Variants in SLC13A3 observed in about 807,000 individuals in gnomAD.
The protein encoded by SLC13A3 is solute carrier family 13 member 3.
In SLC13A3, 40 loss-of-function variants were observed where a neutral mutation model predicts 59.0. That is an observed-to-expected ratio of 0.68 (90% CI 0.53 to 0.88). The LOEUF (loss-of-function observed/expected upper bound fraction) is 0.88. Among genes scored for constraint, SLC13A3 ranks in the 40% least tolerant of loss-of-function variants. The pLI is 0.00. For synonymous variants in SLC13A3, 317 were observed against 330.3 expected, an observed-to-expected ratio of 0.96 and a Z score of 0.44; for missense variants, 699 against 783.2, an observed-to-expected ratio of 0.89 and a Z score of 1.28.
At chr20:46,647,037 G>T (rs2062902354) in intron 1 of SLC13A3, among the ~76,000 whole-genome samples, 2 of 152,142 alleles carry the variant, frequency 1.3e-5, no homozygotes, top group South Asian at 4.1e-4. Context: ...CTCTATCCCA[G>T]AGTAAGTCTG....
intron 10 of SLC13A3, among the ~76,000 whole-genome samples, chr20:46,570,876 T>C (rs1275618705): frequency 2.0e-5 from 3 of 152,136 alleles, no homozygotes; most frequent in Non-Finnish European, 2.9e-5. Flanking sequence ...GTCTGTCCGA[T>C]AAAATGAGGG....
intron 11 of SLC13A3, 85 bp from the exon 12 acceptor site, chr20:46,563,636 G>A: frequency 7.0e-7 from 1 of 1,427,052 alleles, no homozygotes; most frequent in Non-Finnish European, 9.5e-7. Context: ...GAGAGAGGCA[G>A]TTGGAAAGAG....
At chr20:46,568,504 A>T (rs1179951742) in intron 10 of SLC13A3, among the ~76,000 whole-genome samples, 1 of 152,140 alleles carries the variant, frequency 6.6e-6, no homozygotes. Flanking sequence ...GTTACCTTCA[A>T]TGTAAGAATA....
chr20:46,586,123 C>T (rs1216095923), intron 8 of SLC13A3, among the ~76,000 whole-genome samples: 3 of 152,168 alleles, frequency 2.0e-5, no homozygotes, highest in African/African-American at 7.2e-5. Context: ...ATCTGTTTTT[C>T]ACTTTTTTAA....
At chr20:46,599,925 C>T in intron 4 of SLC13A3, 46 bp downstream of exon 4, 1 of 1,405,392 alleles carries the variant, frequency 7.1e-7, no homozygotes, top group Middle Eastern at 1.9e-4. Flanking sequence ...TCATCATCTC[C>T]TTGAATCAAG....
intron 6 of SLC13A3, among the ~76,000 whole-genome samples, chr20:46,590,353 C>T (rs1242509712): frequency 6.6e-6 from 1 of 151,730 alleles, no homozygotes; most frequent in Admixed American, 6.6e-5. Flanking sequence ...AACAATTCTG[C>T]AGGGAGAAAA....
chr20:46,564,194 T>C (rs2061960231), intron 11 of SLC13A3, among the ~76,000 whole-genome samples: 1 of 152,228 alleles, frequency 6.6e-6, no homozygotes, highest in African/African-American at 2.4e-5. Flanking sequence ...ATCCCTGGAT[T>C]TCAGTGAGAA....
upstream of SLC13A3, among the ~76,000 whole-genome samples, chr20:46,670,846 C>T (rs997135529): frequency 6.6e-6 from 1 of 152,124 alleles, no homozygotes; most frequent in Non-Finnish European, 1.5e-5. Flanking sequence ...GAAAGGTACA[C>T]ACTAAGGATG....
At chr20:46,651,497 G>T, upstream of SLC13A3, 1 of 1,349,914 alleles carries the variant, frequency 7.4e-7, no homozygotes, top group Non-Finnish European at 9.4e-7. Context: ...AAGCCTGGGG[G>T]AGGGTCGGGG....
At chr20:46,633,573 TG>T (rs3091468) in intron 1 of SLC13A3, among the ~76,000 whole-genome samples, 52,672 of 152,176 alleles carry the variant, frequency 0.35, 9,766 homozygotes, top group East Asian at 0.53. Context: ...CCCCAGCCTC[TG>T]GGGCAACTCT....
intron 1 of SLC13A3, among the ~76,000 whole-genome samples, chr20:46,663,837 C>G (rs185572102): frequency 1.3e-5 from 2 of 152,276 alleles, no homozygotes; most frequent in African/African-American, 4.8e-5. Flanking sequence ...TGTAATAACT[C>G]TAGTATAGGT....
chr20:46,665,272 A>G (rs1418568963), intron 1 of SLC13A3, among the ~76,000 whole-genome samples: 2 of 152,054 alleles, frequency 1.3e-5, no homozygotes, highest in Non-Finnish European at 2.9e-5. Flanking sequence ...TCTCAAAAAA[A>G]AAAAAAAGTA....
At chr20:46,563,637 T>C (rs1328046146) in intron 11 of SLC13A3, 86 bp from the exon 12 acceptor site, 11 of 507,508 alleles carry the variant, frequency 2.2e-5, no homozygotes, top group Admixed American at 1.0e-4. Flanking sequence ...AGAGAGGCAG[T>C]TGGAAAGAGG....
chr20:46,670,787 C>A (rs1229337491), upstream of SLC13A3, among the ~76,000 whole-genome samples: 1 of 151,988 alleles, frequency 6.6e-6, no homozygotes. Flanking sequence ...GTTGTTGCAA[C>A]TTGTGAGGTG....
intron 1 of SLC13A3, among the ~76,000 whole-genome samples, chr20:46,643,291 TA>T (rs1364938062): frequency 6.6e-6 from 1 of 151,966 alleles, no homozygotes; most frequent in Non-Finnish European, 1.5e-5. Flanking sequence ...TGAAGAAAAA[TA>T]AGGCAGAATG....
rs751280867 is a variant in SLC13A3, at chr20:46,596,136, GGT to G, written c.794+19_794+20del. On this transcript the variant is annotated intron_variant, in intron 5 of 12. Transcript: ENST00000279027. ...GGGGAGGAGCAGAACCCTCCCCGCC[GGT>G]GGGGACTCTCGCTTTCACCTCTTGA... The G allele has an allele frequency of 6.2e-7, 1 of 1,608,494 alleles. No homozygotes were observed.
intron 1 of SLC13A3, among the ~76,000 whole-genome samples, chr20:46,632,793 CT>C (rs1041908513): frequency 1.1e-4 from 16 of 151,934 alleles, no homozygotes; most frequent in African/African-American, 3.9e-4. Flanking sequence ...AGAGTAATCT[CT>C]ATCTCTCTCT....
intron 1 of SLC13A3, among the ~76,000 whole-genome samples, chr20:46,669,652 G>A (rs1210976996): frequency 2.0e-5 from 3 of 152,112 alleles, no homozygotes; most frequent in Non-Finnish European, 2.9e-5. Flanking sequence ...GGCACCCAAG[G>A]CAAATTAGAG....
intron 3 of SLC13A3, chr20:46,608,795 G>A: frequency 7.0e-7 from 1 of 1,420,834 alleles, no homozygotes. Flanking sequence ...CATGGATAAT[G>A]CTTGTTGTGT....
Sources: gnomAD v4.1 joint callset for allele counts (sites outside exome capture counted in the v4.1 genomes callset) on GRCh38, gnomAD v4.1.1 for gene constraint, MANE v1.5 for transcripts, NCBI Gene and HGNC (gene_info 2026-07-23, HGNC 2026-07-21) for gene names.